Variants in WNT8A observed in about 807,000 individuals in gnomAD.
The protein encoded by WNT8A is Wnt family member 8A, also known as protein Wnt-8a.
WNT8A carries 14 observed loss-of-function variants against 20.5 expected under a neutral mutation model. The ratio of observed to expected loss-of-function variants is 0.68; its 90% CI spans 0.45 to 1.07. WNT8A has a LOEUF of 1.07. Among genes scored for constraint, WNT8A ranks in the 50% least tolerant of loss-of-function variants. The pLI is 0.00. For missense variants in WNT8A, 397 were observed against 462.9 expected, an observed-to-expected ratio of 0.86 and a Z score of 1.31; for synonymous variants, 167 against 169.2, an observed-to-expected ratio of 0.99 and a Z score of 0.10.
chr5:138,091,665 A>G, downstream of WNT8A: 1 of 477,342 alleles, frequency 2.1e-6, no homozygotes, highest in South Asian at 2.1e-5. Context: ...ATCTCTACAC[A>G]AAATTTAAAA....
In WNT8A at chr5:138,084,275, G is replaced by A. The variant is rs767284612; in HGVS notation, c.148G>A (p.Gly50Ser). ...GRSVNNFLITGPKAYLTYTTS... is the reference protein window; with the variant it reads ...GRSVNNFLITSPKAYLTYTTS... ...GTCAGTGAACAATTTCCTGATAACA[G>A]GTCCCAAGGTAGGATGATCTCCAGC... Residue 50 changes from glycine to serine, a missense_variant, in exon 1 of 5, where the codon GGT becomes AGT. Transcript: ENST00000506684. 6.2e-7 allele frequency: 1 copy of A among 1,614,094 alleles called. No homozygotes were observed. The highest frequency in any genetic ancestry group is 8.5e-7 in the Non-Finnish European group (1 of 1,180,016).
chr5:138,087,768 G>A (rs768014309), intron 2 of WNT8A, 38 bp from the exon 3 acceptor site: 2 of 1,607,670 alleles, frequency 1.2e-6, no homozygotes, highest in South Asian at 1.1e-5. Context: ...GGTAATCAGG[G>A]TCCAGGTTTC....
rs1246267980 is a variant in WNT8A at position 138,090,532 on chromosome 5, T to C, written c.569T>C (p.Val190Ala). The change falls in exon 5 of 5, where the codon GTG becomes GCG. Residue 190 changes from valine to alanine, a missense_variant. Coordinates refer to ENST00000506684, the MANE Select transcript of WNT8A (RefSeq NM_001300939.2). The part of the protein sequence containing the change: ...LHNNRAGRLA[V>A]RATMKRTCKC... Reference sequence around the variant, plus strand: ...TTTTGTGTTCTCTCTATGAAGGCAGTGAGAGCCACCATGAAAAGGACATGC... The same window carrying C: ...TTTTGTGTTCTCTCTATGAAGGCAGCGAGAGCCACCATGAAAAGGACATGC... The C allele has an allele frequency of 6.2e-7, 1 of 1,613,706 alleles. No individual in the cohort carries two copies.
At chr5:138,078,891 C>T in the WNT8A span, among the ~76,000 whole-genome samples, 1 of 152,154 alleles carries the variant, frequency 6.6e-6, no homozygotes. Context: ...CTCCTGGAAT[C>T]TCATCATCAT....
intron 3 of WNT8A, 71 bp downstream of exon 3, chr5:138,088,002 C>T (rs905296870): frequency 5.0e-6 from 8 of 1,587,722 alleles, no homozygotes; most frequent in Non-Finnish European, 6.8e-6. Context: ...CTAAAGTCTT[C>T]CAGAGAAAGG....
Position 138,091,062 on chromosome 5 carries a change from G to T in WNT8A, c.1099G>T (p.Gly367Cys). 2 of 1,610,644 alleles carry T rather than the reference G, an allele frequency of 1.2e-6. No homozygotes were observed. Among genetic ancestry groups the T allele is most frequent in the Non-Finnish European group, 1.7e-6 (2 of 1,177,934 alleles). Residue 367 changes from glycine to cysteine, a missense_variant, in exon 5 of 5, where the codon GGC becomes TGC. Coordinates refer to ENST00000506684, the MANE Select transcript of WNT8A (RefSeq NM_001300939.2). Reference protein sequence around the residue: ...SPGSAQSLGKGSA With the variant: ...SPGSAQSLGKCSA ...AGGCAGTGCCCAGTCCCTGGGTAAG[G>T]GCAGTGCCTGATAATACCCCACACA... is the stretch of plus-strand genomic sequence containing the variant.
downstream of WNT8A, chr5:138,091,572 T>G (rs189284630): frequency 8.5e-7 from 1 of 1,176,808 alleles, no homozygotes; most frequent in Admixed American, 2.7e-5. Context: ...TACTGGAAAG[T>G]TTTAGAGTGT....
upstream of WNT8A, among the ~76,000 whole-genome samples, chr5:138,080,444 G>GTTTTTT (rs371833243): frequency 1.8e-5 from 1 of 55,990 alleles, no homozygotes; most frequent in African/African-American, 6.6e-5. Context: ...TGTAAATCTT[G>GTTTTTT]TTTTTTTTTT....
upstream of WNT8A, among the ~76,000 whole-genome samples, chr5:138,082,993 G>T (rs1338275608): frequency 6.6e-6 from 1 of 151,820 alleles, no homozygotes; most frequent in African/African-American, 2.4e-5. Context: ...AGAAAGAAAG[G>T]CATCAGGGCC....
At chr5:138,080,444 G>GTTTTTTTTTTTTTTTTTTTT (rs371833243), upstream of WNT8A, among the ~76,000 whole-genome samples, 3 of 55,974 alleles carry the variant, frequency 5.4e-5, no homozygotes, top group Non-Finnish European at 9.7e-5. Flanking sequence ...TGTAAATCTT[G>GTTTTTTTTTTTTTTTTTTTT]TTTTTTTTTT....
chr5:138,091,333 G>C lies in WNT8A; in HGVS notation c.*260G>C, dbSNP rs1200087767. On this transcript the variant is annotated 3_prime_UTR_variant, in exon 5 of 5. Transcript: ENST00000506684. ...CTGCAAACTACTTTCCCATCTTTGT[G>C]CCTGTACTTATGCAGCTTTCTACAG... 2.0e-6 allele frequency: 3 copies of C among 1,476,036 alleles called. No homozygotes were observed. The highest frequency in any genetic ancestry group is 2.7e-6 in the Non-Finnish European group (3 of 1,102,768). 91.4% of individuals were successfully genotyped at this position (1,476,036 alleles called of 1,614,324 possible). A position where few individuals can be genotyped will look rare whatever the true frequency, so the allele number is the denominator to read the frequency against.
chr5:138,091,716 C>T (rs1750860962), downstream of WNT8A, among the ~76,000 whole-genome samples: 1 of 67,384 alleles, frequency 1.5e-5, no homozygotes, highest in African/African-American at 4.3e-5. Context: ...GTCCTAGATA[C>T]TTGGGAGGCT....
upstream of WNT8A, among the ~76,000 whole-genome samples, chr5:138,080,848 G>A (rs150121972): frequency 7.2e-5 from 11 of 152,254 alleles, no homozygotes; most frequent in East Asian, 2.1e-3. Flanking sequence ...TCTAAGTCCA[G>A]ATGGTGGTAA....
Position 138,090,771 on chromosome 5 carries a change from T to C in WNT8A, c.808T>C (p.Leu270=). The part of the protein sequence containing the change: ...LPSAEAELIF[L]EESPDYCTCN... ...TAGCGCAGAGGCGGAACTGATCTTTTTAGAGGAATCACCAGATTACTGTAC... is the reference window on the plus strand; with the variant it reads ...TAGCGCAGAGGCGGAACTGATCTTTCTAGAGGAATCACCAGATTACTGTAC... Residue 270 remains leucine, a synonymous_variant, in exon 5 of 5, where the codon TTA becomes CTA. Transcript: ENST00000506684. 1 of 1,614,214 alleles carries C rather than the reference T, an allele frequency of 6.2e-7. No homozygotes were observed. Among genetic ancestry groups the C allele is most frequent in the Non-Finnish European group, 8.5e-7 (1 of 1,180,040 alleles).
chr5:138,091,843 AT>A (rs1462717169), downstream of WNT8A, among the ~76,000 whole-genome samples: 112 of 49,740 alleles, frequency 2.3e-3, 2 homozygotes, highest in Admixed American at 4.9e-3. Context: ...AAATAAATAA[AT>A]AAATAAATAA....
Position 138,090,879 on chromosome 5 carries a change from C to A in WNT8A, c.916C>A (p.Arg306Ser). ...NSHNTSRWER[R>S]SCGRLCTECG... ...CCACAACACATCCAGGTGGGAGCGA[C>A]GTAGCTGTGGGCGCCTGTGCACTGA... The change falls in exon 5 of 5, where the codon CGT (arginine) becomes AGT (serine). Residue 306 changes from arginine to serine, a missense_variant. Arg to Ser is a moderately radical substitution (Grantham distance 110). Transcript: ENST00000506684. 1 of 1,614,188 alleles carries A rather than the reference C, an allele frequency of 6.2e-7. No homozygotes were observed. Among genetic ancestry groups the A allele is most frequent in the Non-Finnish European group, 8.5e-7 (1 of 1,180,034 alleles).
Position 138,091,417 on chromosome 5 carries a change from A to C in WNT8A, c.*344A>C. ...ACCTTCAAAGTATTTGTTCCTTTAA[A>C]TTTCAGACCATGTCCAACCCAGCTG... On this transcript the variant is annotated 3_prime_UTR_variant, in exon 5 of 5. Coordinates refer to ENST00000506684, the MANE Select transcript of WNT8A (RefSeq NM_001300939.2). 7.3e-7 allele frequency: 1 copy of C among 1,364,872 alleles called. No individual in the cohort carries two copies. Among genetic ancestry groups the C allele is most frequent in the Non-Finnish European group, 9.7e-7 (1 of 1,030,706 alleles). 84.5% of individuals were successfully genotyped at this position (1,364,872 alleles called of 1,614,324 possible).
intron 3 of WNT8A, among the ~76,000 whole-genome samples, chr5:138,088,282 T>C (rs1750735371): frequency 6.6e-6 from 1 of 152,034 alleles, no homozygotes; most frequent in Non-Finnish European, 1.5e-5. Context: ...TTATCACTAA[T>C]GAAGGAGGTA....
chr5:138,085,929 T>C (rs1750648256), intron 2 of WNT8A, among the ~76,000 whole-genome samples: 1 of 142,782 alleles, frequency 7.0e-6, no homozygotes, highest in Admixed American at 7.1e-5. Flanking sequence ...GAATAGGGAG[T>C]ATGTAGAAAT....
Sources: allele counts gnomAD v4.1 joint callset (sites outside exome capture counted in the v4.1 genomes callset), GRCh38; gene constraint gnomAD v4.1.1; transcripts MANE v1.5; gene names NCBI Gene and HGNC (gene_info 2026-07-23, HGNC 2026-07-21).